Variants in CDH13 observed in about 807,000 individuals in gnomAD.
The protein encoded by CDH13 is cadherin-13.
In CDH13, 24 loss-of-function variants were observed where a neutral mutation model predicts 63.8. The observed-to-expected ratio is 0.38, with a 90% confidence interval of 0.27 to 0.53. The LOEUF (loss-of-function observed/expected upper bound fraction) is 0.53, where lower values mean the gene tolerates loss of function less well. Among genes scored for constraint, CDH13 ranks in the 20% least tolerant of loss-of-function variants. The probability of loss-of-function intolerance (pLI) is 0.85; values close to 1 mark genes in which losing one functional copy is unlikely to be tolerated. For synonymous variants in CDH13, 503 were observed against 355.3 expected (o/e 1.42, Z -4.67); for missense variants, 1,049 against 903.1 (o/e 1.16, Z -2.07).
chr16:83,792,184 G>T (rs535758795), intron 13 of CDH13, among the ~76,000 whole-genome samples: 2 of 152,222 alleles, frequency 1.3e-5, no homozygotes, highest in South Asian at 2.1e-4. Flanking sequence ...GCCTGCAGAC[G>T]GCCGCGGTCA....
intron 7 of CDH13, among the ~76,000 whole-genome samples, chr16:83,548,192 G>A (rs2075424420): frequency 6.6e-6 from 1 of 152,150 alleles, no homozygotes; most frequent in Non-Finnish European, 1.5e-5. Context: ...GAGGTAGACA[G>A]ATTGAGGTGA....
chr16:83,371,837 T>G (rs2091372716), intron 6 of CDH13, among the ~76,000 whole-genome samples: 1 of 152,196 alleles, frequency 6.6e-6, no homozygotes, highest in South Asian at 2.1e-4. Context: ...GAAAGTTAGT[T>G]GTCTACATTG....
intron 2 of CDH13, among the ~76,000 whole-genome samples, chr16:82,981,119 A>G (rs1047989979): frequency 1.3e-5 from 2 of 152,192 alleles, no homozygotes; most frequent in African/African-American, 4.8e-5. Context: ...TTCTATGGGA[A>G]TATTTTCCAT....
intron 3 of CDH13, among the ~76,000 whole-genome samples, chr16:83,122,528 C>T (rs2035627414): frequency 6.6e-6 from 1 of 152,178 alleles, no homozygotes; most frequent in South Asian, 2.1e-4. Context: ...CCCCACTGAT[C>T]ATATAATAAC....
intron 10 of CDH13, among the ~76,000 whole-genome samples, chr16:83,729,588 T>C (rs1285891819): frequency 6.6e-6 from 1 of 152,210 alleles, no homozygotes; most frequent in Non-Finnish European, 1.5e-5. Context: ...ACTTACTAGC[T>C]GTGTGTCCTG....
intron 6 of CDH13, among the ~76,000 whole-genome samples, chr16:83,481,408 A>G (rs2073757368): frequency 6.6e-6 from 1 of 152,218 alleles, no homozygotes; most frequent in East Asian, 1.9e-4. Context: ...GGCCAGCTGA[A>G]AACCCCCCGT....
intron 7 of CDH13, among the ~76,000 whole-genome samples, chr16:83,516,999 G>C (rs193202724): frequency 6.6e-6 from 1 of 152,310 alleles, no homozygotes; most frequent in Admixed American, 6.5e-5. Flanking sequence ...GAAATTGCTG[G>C]TGTAGTTAAA....
Position 83,394,426 on chromosome 16 carries a change from C to T in CDH13, c.781+49420C>T, listed in dbSNP as rs149581936. Among the ~76,000 whole-genome samples, 7 of 152,200 alleles carry T rather than the reference C, an allele frequency of 4.6e-5. No individual in the cohort carries two copies. The East Asian group carries it at 1.4e-3, about 30-fold the overall frequency. On this transcript the variant is annotated intron_variant, in intron 6 of 13. Coordinates refer to ENST00000567109, the MANE Select transcript of CDH13 (RefSeq NM_001257.5). ...GGAGGTACAGCAGGCCAGACAGAGG[C>T]AACAGCACATGCAAAGTCCCTGAGG...
At chr16:83,569,223 T>A (rs1357375282) in intron 7 of CDH13, among the ~76,000 whole-genome samples, 1 of 152,132 alleles carries the variant, frequency 6.6e-6, no homozygotes, top group Non-Finnish European at 1.5e-5. Context: ...CTCCTGCTGA[T>A]CTTTTCAGAC....
intron 2 of CDH13, among the ~76,000 whole-genome samples, chr16:82,902,078 T>G (rs1415870301): frequency 6.6e-6 from 1 of 152,164 alleles, no homozygotes. Flanking sequence ...ACTTGGGCTG[T>G]TTGCCTATAT....
intron 3 of CDH13, among the ~76,000 whole-genome samples, chr16:83,072,785 A>G (rs750629543): frequency 6.6e-6 from 1 of 152,180 alleles, no homozygotes; most frequent in Non-Finnish European, 1.5e-5. Context: ...GTAGAAATGT[A>G]GAATCCCAGA....
intron 2 of CDH13, among the ~76,000 whole-genome samples, chr16:82,899,624 T>C (rs1323251028): frequency 6.6e-6 from 1 of 152,162 alleles, no homozygotes; most frequent in Non-Finnish European, 1.5e-5. Context: ...TGTTTGCGTG[T>C]TTTGGAGTAT....
intron 10 of CDH13, among the ~76,000 whole-genome samples, chr16:83,708,132 CA>C (rs1907416110): frequency 6.6e-6 from 1 of 152,188 alleles, no homozygotes; most frequent in Non-Finnish European, 1.5e-5. Context: ...GTGCAAGACT[CA>C]CCACCCATAG....
At chr16:82,683,503 C>G (rs1914762956) in intron 1 of CDH13, among the ~76,000 whole-genome samples, 1 of 152,222 alleles carries the variant, frequency 6.6e-6, no homozygotes, top group African/African-American at 2.4e-5. Context: ...ACTGAGCCTT[C>G]TCTTCCCTAA....
At chr16:82,891,079 T>G (rs1477586318) in intron 2 of CDH13, among the ~76,000 whole-genome samples, 2 of 147,576 alleles carry the variant, frequency 1.4e-5, no homozygotes, top group Non-Finnish European at 3.0e-5. Context: ...GTCGTGATGG[T>G]GTTATTCAAT....
intron 4 of CDH13, among the ~76,000 whole-genome samples, chr16:83,183,342 A>G (rs2151746656): frequency 6.6e-6 from 1 of 152,330 alleles, no homozygotes; most frequent in East Asian, 1.9e-4. Flanking sequence ...TAAAGTTTCA[A>G]AATGCAGAAA....
At chr16:83,720,861 T>C (rs370548574) in intron 10 of CDH13, among the ~76,000 whole-genome samples, 4 of 152,186 alleles carry the variant, frequency 2.6e-5, no homozygotes, top group African/African-American at 7.2e-5. Flanking sequence ...GTCATAATTT[T>C]CTCCCTGGCA....
At chr16:83,389,015 A>G (rs985187556) in intron 6 of CDH13, among the ~76,000 whole-genome samples, 1 of 152,034 alleles carries the variant, frequency 6.6e-6, no homozygotes, top group East Asian at 1.9e-4. Context: ...CCACCCTAAA[A>G]CCAGTCAGAG....
chr16:83,713,845 C>G (rs778179866), intron 10 of CDH13, among the ~76,000 whole-genome samples: 1 of 152,208 alleles, frequency 6.6e-6, no homozygotes, highest in Non-Finnish European at 1.5e-5. Context: ...TATCAGGAAT[C>G]TCTCTCCCTC....
Sources: allele counts gnomAD v4.1 joint callset (sites outside exome capture counted in the v4.1 genomes callset), GRCh38; gene constraint gnomAD v4.1.1; transcripts MANE v1.5; gene names NCBI Gene and HGNC (gene_info 2026-07-23, HGNC 2026-07-21).